Variants in CAMKMT observed in about 807,000 individuals in gnomAD.
The protein encoded by CAMKMT is calmodulin-lysine N-methyltransferase, also known as CaM KMT.
Under a neutral mutation model 48.0 loss-of-function variants are expected in CAMKMT, and 53 were observed. That is an observed-to-expected ratio of 1.10 (90% CI 0.89 to 1.39). CAMKMT has a LOEUF of 1.39. Among genes scored for constraint, CAMKMT ranks in the 40% most tolerant of loss-of-function variants. CAMKMT has a pLI of 0.00. For synonymous variants in CAMKMT, 165 were observed against 152.3 expected (o/e 1.08, Z -0.61); for missense variants, 428 against 402.7 (o/e 1.06, Z -0.54).
chr2:44,677,249 A>G (rs1244486358), intron 3 of CAMKMT, among the ~76,000 whole-genome samples: 1 of 152,230 alleles, frequency 6.6e-6, no homozygotes, highest in Non-Finnish European at 1.5e-5. Context: ...GCATGAGCTT[A>G]TTCCTAACTT....
Position 44,402,764 on chromosome 2 carries a change from T to C in CAMKMT, c.376+12459T>C, listed in dbSNP as rs568685832. The stretch of plus-strand genomic sequence containing the variant: ...TGTTTTTTTTTTTTTTTTTTTACTT[T>C]TTCTTTACTTTTAACCTTTCTGTTG... On this transcript the variant is annotated intron_variant, in intron 3 of 10. Coordinates refer to ENST00000378494, the MANE Select transcript of CAMKMT (RefSeq NM_024766.5). Among the ~76,000 whole-genome samples, 202 of 148,804 alleles carry C rather than the reference T, an allele frequency of 1.4e-3. 1 individual carries two copies. Among genetic ancestry groups the C allele is most frequent in the African/African-American group, 4.7e-3 (192 of 40,978 alleles).
Position 44,745,639 on chromosome 2 carries a change from A to G in CAMKMT, c.698+1943A>G, listed in dbSNP as rs140516873. ...TTATAAATGGCTTTTCCATGCATGA[A>G]TTGTTTTTTTTTTTCCCCTGGGTGT... On this transcript the variant is annotated intron_variant, in intron 8 of 10. Transcript: ENST00000378494. Among the ~76,000 whole-genome samples, 123 of 151,954 alleles carry G rather than the reference A, an allele frequency of 8.1e-4. 4 individuals are homozygous for G. In the South Asian group the frequency reaches 0.022, roughly 27 times the overall value.
intron 3 of CAMKMT, among the ~76,000 whole-genome samples, chr2:44,535,250 T>C (rs1222210570): frequency 6.6e-6 from 1 of 152,064 alleles, no homozygotes; most frequent in Non-Finnish European, 1.5e-5. Context: ...GAATCAGTAA[T>C]AAAAAGTCTC....
chr2:44,770,166 T>C (rs549999809), intron 10 of CAMKMT, among the ~76,000 whole-genome samples: 2 of 152,338 alleles, frequency 1.3e-5, no homozygotes, highest in African/African-American at 4.8e-5. Context: ...ACTCATAACA[T>C]TCCCCCATCG....
At chr2:44,725,888 A>C (rs1208325607) in intron 7 of CAMKMT, among the ~76,000 whole-genome samples, 1 of 150,570 alleles carries the variant, frequency 6.6e-6, no homozygotes, top group African/African-American at 2.4e-5. Context: ...ACATGTGCAG[A>C]TTTGTTAGAT....
intron 3 of CAMKMT, among the ~76,000 whole-genome samples, chr2:44,529,339 T>C (rs1408268328): frequency 1.3e-5 from 2 of 152,228 alleles, no homozygotes; most frequent in African/African-American, 4.8e-5. Flanking sequence ...GTGGTTTTAT[T>C]ATAAATTATT....
intron 2 of CAMKMT, among the ~76,000 whole-genome samples, chr2:44,378,767 C>T (rs576798033): frequency 2.0e-5 from 3 of 152,180 alleles, no homozygotes; most frequent in African/African-American, 7.2e-5. Flanking sequence ...GCTGGTATTA[C>T]AGGCGTGAGC....
chr2:44,460,739 G>C (rs1046656209), intron 3 of CAMKMT, among the ~76,000 whole-genome samples: 1 of 30,400 alleles, frequency 3.3e-5, no homozygotes, highest in Non-Finnish European at 6.2e-5. Context: ...TTTTTTTTTT[G>C]AGACAGAGTC....
intron 3 of CAMKMT, among the ~76,000 whole-genome samples, chr2:44,527,041 C>G (rs900614088): frequency 7.4e-5 from 11 of 149,528 alleles, no homozygotes; most frequent in African/African-American, 2.7e-4. Flanking sequence ...CATTAGCAGT[C>G]ACTGCCCATT....
At chr2:44,408,944 G>A (rs963049107) in intron 3 of CAMKMT, among the ~76,000 whole-genome samples, 7 of 151,522 alleles carry the variant, frequency 4.6e-5, no homozygotes, top group South Asian at 2.1e-4. Context: ...GTTTTGCCAC[G>A]TTGCCCAGGC....
intron 3 of CAMKMT, among the ~76,000 whole-genome samples, chr2:44,675,108 A>G (rs1348116522): frequency 6.6e-6 from 1 of 151,576 alleles, no homozygotes; most frequent in East Asian, 1.9e-4. Flanking sequence ...GCAAGCCAGC[A>G]AATGATAGTA....
At chr2:44,508,419 C>T (rs1165907633) in intron 3 of CAMKMT, among the ~76,000 whole-genome samples, 1 of 152,072 alleles carries the variant, frequency 6.6e-6, no homozygotes, top group African/African-American at 2.4e-5. Context: ...AGGTATAGAA[C>T]CAGTTACAGG....
chr2:44,714,163 G>A (rs1678043897), intron 6 of CAMKMT, among the ~76,000 whole-genome samples: 1 of 152,282 alleles, frequency 6.6e-6, no homozygotes, highest in Non-Finnish European at 1.5e-5. Flanking sequence ...ACGCAACAGG[G>A]TCTTTTGTGG....
intron 6 of CAMKMT, among the ~76,000 whole-genome samples, chr2:44,712,079 A>G (rs919589922): frequency 6.6e-6 from 1 of 152,184 alleles, no homozygotes; most frequent in Non-Finnish European, 1.5e-5. Context: ...TAGTACCTCT[A>G]TGGTATCTTC....
intron 9 of CAMKMT, among the ~76,000 whole-genome samples, chr2:44,756,690 C>T (rs1443242941): frequency 1.3e-5 from 2 of 149,514 alleles, no homozygotes; most frequent in Non-Finnish European, 3.0e-5. Flanking sequence ...TGCAGTGAGC[C>T]GAGATCACGT....
chr2:44,696,280 G>C (rs1013742262), intron 3 of CAMKMT, among the ~76,000 whole-genome samples: 53 of 152,102 alleles, frequency 3.5e-4, no homozygotes, highest in African/African-American at 1.3e-3. Flanking sequence ...TATTTACATA[G>C]CACTTATATT....
intron 3 of CAMKMT, among the ~76,000 whole-genome samples, chr2:44,546,280 G>T (rs1462706467): frequency 6.6e-6 from 1 of 151,042 alleles, no homozygotes; most frequent in African/African-American, 2.4e-5. Context: ...CTCCTTCTTA[G>T]CCCAAAGCCG....
chr2:44,533,902 G>A (rs1666622466), intron 3 of CAMKMT, among the ~76,000 whole-genome samples: 1 of 152,038 alleles, frequency 6.6e-6, no homozygotes, highest in Non-Finnish European at 1.5e-5. Context: ...AAATGTAAGT[G>A]GATTAAATTT....
intron 3 of CAMKMT, among the ~76,000 whole-genome samples, chr2:44,641,552 T>TTATA (rs3083472): frequency 6.7e-6 from 1 of 148,720 alleles, no homozygotes; most frequent in African/African-American, 2.5e-5. Context: ...TTATGATATT[T>TTATA]TATATATATA....
Sources: gnomAD v4.1 joint callset for allele counts (sites outside exome capture counted in the v4.1 genomes callset) on GRCh38, gnomAD v4.1.1 for gene constraint, MANE v1.5 for transcripts, NCBI Gene and HGNC (gene_info 2026-07-23, HGNC 2026-07-21) for gene names.